The following PSD3 variants were observed in gnomAD, a reference collection of about 807,000 sequenced individuals.
PSD3 encodes the protein pleckstrin and Sec7 domain containing 3.
In PSD3, 49 loss-of-function variants were observed where a neutral mutation model predicts 105.5. That is an observed-to-expected ratio of 0.46 (90% CI 0.37 to 0.59). The LOEUF (loss-of-function observed/expected upper bound fraction) is 0.59. PSD3 is among the 20% of genes least tolerant of loss of function. The probability of loss-of-function intolerance (pLI) is 0.00; values close to 1 mark genes in which losing one functional copy is unlikely to be tolerated. For synonymous variants in PSD3, 557 were observed against 457.8 expected (o/e 1.22, Z -2.77); for missense variants, 1,561 against 1,263.8 (o/e 1.24, Z -3.57).
intron 1 of PSD3, among the ~76,000 whole-genome samples, chr8:19,071,795 C>T (rs970996922): frequency 3.9e-5 from 6 of 152,014 alleles, no homozygotes; most frequent in Admixed American, 6.5e-5. Flanking sequence ...CTGCAGCCTC[C>T]GCCTCCCAGG....
chr8:18,939,333 G>T (rs1308230204), intron 1 of PSD3, among the ~76,000 whole-genome samples: 1 of 152,128 alleles, frequency 6.6e-6, no homozygotes, highest in Non-Finnish European at 1.5e-5. Context: ...AAATACAAAT[G>T]TAAGCAACAA....
At chr8:18,857,727 A>C (rs1816129081) in intron 4 of PSD3, among the ~76,000 whole-genome samples, 1 of 152,178 alleles carries the variant, frequency 6.6e-6, no homozygotes, top group African/African-American at 2.4e-5. Context: ...CTAATGTAGT[A>C]GGTCAGGGTG....
chr8:18,949,245 ATATATATATATATAT>A (rs1401826304), intron 1 of PSD3, among the ~76,000 whole-genome samples: 3 of 35,240 alleles, frequency 8.5e-5, no homozygotes, highest in Non-Finnish European at 1.7e-4. Context: ...AAAAAAAAAA[ATATATATATATATAT>A]ATATATATAT....
chr8:18,769,348 ATTG>A (rs1431906737), intron 8 of PSD3, among the ~76,000 whole-genome samples: 2 of 152,156 alleles, frequency 1.3e-5, no homozygotes, highest in Non-Finnish European at 2.9e-5. Flanking sequence ...CTTTAAATAA[ATTG>A]TTATTAATAA....
At chr8:18,571,427 T>G (rs370521903) in intron 14 of PSD3, among the ~76,000 whole-genome samples, 15 of 152,294 alleles carry the variant, frequency 9.8e-5, no homozygotes, top group African/African-American at 3.4e-4. Context: ...TCCTTTAAGC[T>G]GCACATTAGG....
intron 2 of PSD3, among the ~76,000 whole-genome samples, chr8:18,885,915 A>G (rs1254073355): frequency 6.6e-6 from 1 of 152,204 alleles, no homozygotes; most frequent in East Asian, 1.9e-4. Flanking sequence ...CTCAGCCTCA[A>G]CTAGCGTGTT....
At chr8:18,594,992 A>C (rs1585336708) in intron 12 of PSD3, among the ~76,000 whole-genome samples, 2 of 152,218 alleles carry the variant, frequency 1.3e-5, no homozygotes, top group South Asian at 4.1e-4. Context: ...ACAATGCTTT[A>C]ATGTTGTAAT....
chr8:18,588,591 C>T (rs1293837210), intron 12 of PSD3, among the ~76,000 whole-genome samples: 1 of 152,198 alleles, frequency 6.6e-6, no homozygotes, highest in African/African-American at 2.4e-5. Context: ...AATTTCCTTA[C>T]TGCCAGGCTT....
chr8:19,082,284 T>C (rs961473136), intron 1 of PSD3, among the ~76,000 whole-genome samples: 1 of 152,210 alleles, frequency 6.6e-6, no homozygotes, highest in Admixed American at 6.5e-5. Flanking sequence ...TCACATTGTC[T>C]GACCACCTCT....
At chr8:18,820,090 T>C (rs1421202973) in intron 4 of PSD3, among the ~76,000 whole-genome samples, 1 of 151,954 alleles carries the variant, frequency 6.6e-6, no homozygotes, top group African/African-American at 2.4e-5. Context: ...GTCATTTGTA[T>C]GTAAAAATCT....
intron 2 of PSD3, among the ~76,000 whole-genome samples, chr8:18,932,111 T>G (rs1323968586): frequency 6.6e-6 from 1 of 152,348 alleles, no homozygotes; most frequent in Non-Finnish European, 1.5e-5. Context: ...AAACACTGAT[T>G]GGGTACCACG....
At chr8:18,639,719 C>G (rs765045211) in intron 10 of PSD3, among the ~76,000 whole-genome samples, 3 of 152,256 alleles carry the variant, frequency 2.0e-5, no homozygotes, top group Non-Finnish European at 2.9e-5. Context: ...GATCAAGAAC[C>G]ATGAGACAAT....
At chr8:18,690,767 T>C (rs1395248616) in intron 9 of PSD3, among the ~76,000 whole-genome samples, 1 of 152,212 alleles carries the variant, frequency 6.6e-6, no homozygotes, top group Non-Finnish European at 1.5e-5. Flanking sequence ...CGCTGTCTGG[T>C]CCGTCACCCT....
At chr8:18,911,029 GC>G (rs1226968483) in intron 2 of PSD3, among the ~76,000 whole-genome samples, 1 of 151,996 alleles carries the variant, frequency 6.6e-6, no homozygotes, top group Non-Finnish European at 1.5e-5. Flanking sequence ...GACTGCATTA[GC>G]CCAGGAGTTC....
In PSD3 at chr8:18,853,427, C is replaced by A. The variant is rs143368809; in HGVS notation, c.1634+14247G>T. Among the ~76,000 whole-genome samples, 80 of 152,188 alleles carry A rather than the reference C, an allele frequency of 5.3e-4. No individual in the cohort carries two copies. The Middle Eastern group carries it at 0.01, about 19-fold the overall frequency. On this transcript the variant is annotated intron_variant, in intron 4 of 15. Transcript: ENST00000327040. ...ATGGACATAATATCAACGGACTAGG[C>A]TCAATTCCCCTTCTTTAGCATCGTT...
Position 18,799,190 on chromosome 8 carries a change from T to C in PSD3, c.2082+105A>G, listed in dbSNP as rs1002236889. 6 of 992,186 alleles carry C rather than the reference T, an allele frequency of 6.0e-6. 1 individual carries two copies. Among genetic ancestry groups the C allele is most frequent in the South Asian group, 2.6e-5 (2 of 76,570 alleles). The allele number at this position is 992,186 out of a possible 1,614,324, so 61.5% of individuals were successfully genotyped here. The stretch of plus-strand genomic sequence containing the variant: ...TTTTATTCACCTGCCATGGGAACCA[T>C]GTAGAGAATGGGAAACGGGGAGGCA... On this transcript the variant is annotated intron_variant, in intron 8 of 15. Transcript: ENST00000327040.
At chr8:18,552,784 G>C (rs1309096052) in intron 15 of PSD3, among the ~76,000 whole-genome samples, 1 of 152,178 alleles carries the variant, frequency 6.6e-6, no homozygotes, top group Non-Finnish European at 1.5e-5. Context: ...TTAGAAGTAA[G>C]ATTAGATTCC....
intron 9 of PSD3, among the ~76,000 whole-genome samples, chr8:18,747,707 T>G (rs1805143335): frequency 1.3e-5 from 2 of 152,152 alleles, no homozygotes; most frequent in Admixed American, 1.3e-4. Flanking sequence ...CCTTTCCAGC[T>G]GCTAAATAGT....
At chr8:19,083,964 T>A (rs1488295484) in intron 1 of PSD3, among the ~76,000 whole-genome samples, 1 of 152,172 alleles carries the variant, frequency 6.6e-6, no homozygotes, top group Non-Finnish European at 1.5e-5. Flanking sequence ...TTGGCAGAAA[T>A]CTTGGGAAAT....
Sources: allele counts gnomAD v4.1 joint callset (sites outside exome capture counted in the v4.1 genomes callset), GRCh38; gene constraint gnomAD v4.1.1; transcripts MANE v1.5; gene names NCBI Gene and HGNC (gene_info 2026-07-23, HGNC 2026-07-21).